The following ING5 variants were observed in gnomAD, a reference collection of about 807,000 sequenced individuals.
ING5 encodes the protein inhibitor of growth protein 5.
Under a neutral mutation model 37.4 loss-of-function variants are expected in ING5, and 17 were observed. The ratio of observed to expected loss-of-function variants is 0.45; its 90% CI spans 0.31 to 0.68. The LOEUF (loss-of-function observed/expected upper bound fraction) is 0.68, where lower values mean the gene tolerates loss of function less well. Among genes scored for constraint, ING5 ranks in the 30% least tolerant of loss-of-function variants. ING5 has a pLI of 0.05. For missense variants in ING5, 233 were observed against 311.9 expected, an observed-to-expected ratio of 0.75 and a Z score of 1.91; for synonymous variants, 123 against 116.6, an observed-to-expected ratio of 1.06 and a Z score of -0.36.
At chr2:241,687,234 G>T (rs1166586876) in exon 1 of ING5, 2 of 397,146 alleles carry the variant, frequency 5.0e-6, no homozygotes, top group Non-Finnish European at 8.9e-6. Flanking sequence ...GCCCTGCGGT[G>T]CCCGCTGCCA....
rs1575145787 is a variant in ING5, at chr2:241,728,401, A to G, written c.*3370A>G. On this transcript the variant is annotated 3_prime_UTR_variant, in exon 8 of 8. Coordinates refer to ENST00000313552, the MANE Select transcript of ING5 (RefSeq NM_032329.6). ...GTGTGTGGGCTGGAACCAGTGGGTC[A>G]CTGTGGCAGCTTCATCTGAGCCGAA... The G allele has an allele frequency of 6.5e-6, 1 of 152,724 alleles. No homozygotes were observed. Among genetic ancestry groups the G allele is most frequent in the Non-Finnish European group, 1.5e-5 (1 of 68,096 alleles). 9.5% of individuals were successfully genotyped at this position (152,724 alleles called of 1,614,324 possible). A position where few individuals can be genotyped will look rare whatever the true frequency, so the allele number is the denominator to read the frequency against.
chr2:241,713,625 C>T (rs907532764), intron 5 of ING5, among the ~76,000 whole-genome samples: 1 of 149,170 alleles, frequency 6.7e-6, no homozygotes, highest in African/African-American at 2.5e-5. Context: ...CCTGCCTTGG[C>T]CTCCCAAAGT....
intron 2 of ING5, among the ~76,000 whole-genome samples, chr2:241,692,824 G>A (rs1000361693): frequency 1.3e-5 from 2 of 152,038 alleles, no homozygotes; most frequent in Non-Finnish European, 2.9e-5. Context: ...TTGAGGAGAC[G>A]TCTCCTTTCA....
upstream of ING5, among the ~76,000 whole-genome samples, chr2:241,699,817 C>T (rs2069685963): frequency 6.6e-6 from 1 of 151,942 alleles, no homozygotes; most frequent in African/African-American, 2.4e-5. Context: ...CACACCTCAC[C>T]CATGAAAGAC....
upstream of ING5, among the ~76,000 whole-genome samples, chr2:241,700,978 C>CTT (rs71049600): frequency 0.014 from 1,960 of 140,790 alleles, 36 homozygotes; most frequent in African/African-American, 0.027. Flanking sequence ...TTAAAATTTT[C>CTT]TTTTTTTTTT....
intron 2 of ING5, among the ~76,000 whole-genome samples, chr2:241,696,644 A>G (rs2069634007): frequency 6.6e-6 from 1 of 152,056 alleles, no homozygotes. Context: ...AAAATTAGCC[A>G]GGTGTCATGG....
intron 1 of ING5, among the ~76,000 whole-genome samples, chr2:241,702,603 G>A (rs2124875047): frequency 6.6e-6 from 1 of 152,270 alleles, no homozygotes; most frequent in East Asian, 1.9e-4. Context: ...GGCTGGGGAG[G>A]GCGTGCGGGC....
At chr2:241,724,842 A>C in intron 7 of ING5, 147 bp from the exon 8 acceptor site, 2 of 706,762 alleles carry the variant, frequency 2.8e-6, no homozygotes, top group South Asian at 3.5e-5. Context: ...TCCCTGCGGG[A>C]GGGCCGCGGC....
chr2:241,704,428 C>A (rs1488454464), intron 1 of ING5, among the ~76,000 whole-genome samples: 1 of 152,132 alleles, frequency 6.6e-6, no homozygotes, highest in East Asian at 1.9e-4. Flanking sequence ...ACTAGCCGGG[C>A]ATGGTGGCAT....
chr2:241,702,031 G>C, upstream of ING5: 1 of 1,352,608 alleles, frequency 7.4e-7, no homozygotes, highest in Non-Finnish European at 9.5e-7. Flanking sequence ...GGCACCGCCC[G>C]CCCGCGCAGA....
rs111504054 is a variant in ING5 at position 241,714,444 on chromosome 2, C to T, written c.482+2373C>T. Among the ~76,000 whole-genome samples the T allele has an allele frequency of 2.0e-3, 300 of 152,222 alleles. 2 individuals are homozygous for T. Among genetic ancestry groups the T allele is most frequent in the Non-Finnish European group, 3.5e-3 (241 of 68,016 alleles). On this transcript the variant is annotated intron_variant, in intron 5 of 7. Transcript: ENST00000313552. ...AGTCAGTTTTGGAAAAAATCTGTGT[C>T]TTTCAAGAAATTTGTTTCATGTAAG...
chr2:241,690,069 G>C (rs572821976), exon 2 of ING5: 1 of 152,204 alleles, frequency 6.6e-6, no homozygotes. Context: ...GGGACACAGC[G>C]CATCCGCCTT....
At position 241,723,090 on chromosome 2, in the gene ING5, A is replaced by G. The variant is rs1358491160; in HGVS notation, c.618+16A>G. On this transcript the variant is annotated intron_variant, in intron 6 of 7. Transcript: ENST00000313552. Reference sequence around the variant, plus strand: ...CAATCCAGACGTGAGTGTCGCCTGCAGGATTCGCGCCATGGGGCGGGGTCT... The same window carrying G: ...CAATCCAGACGTGAGTGTCGCCTGCGGGATTCGCGCCATGGGGCGGGGTCT... 6.2e-7 allele frequency: 1 copy of G among 1,614,222 alleles called. No homozygotes were observed. The highest frequency in any genetic ancestry group is 1.7e-5 in the Admixed American group (1 of 60,036).
At chr2:241,703,941 C>T (rs1176442295) in intron 1 of ING5, among the ~76,000 whole-genome samples, 1 of 152,100 alleles carries the variant, frequency 6.6e-6, no homozygotes, top group Non-Finnish European at 1.5e-5. Flanking sequence ...CATAAAGTCG[C>T]GTGGGCAGCG....
In ING5 at chr2:241,725,295, G is replaced by A. The variant is rs1338427321; in HGVS notation, c.*264G>A. 2.0e-6 allele frequency: 1 copy of A among 496,430 alleles called. No homozygotes were observed. The highest frequency in any genetic ancestry group is 2.0e-5 in the African/African-American group (1 of 50,850). The allele number at this position is 496,430 out of a possible 1,614,324, so 30.8% of individuals were successfully genotyped here. A position where few individuals can be genotyped will look rare whatever the true frequency, so the allele number is the denominator to read the frequency against. ...ATCAGCAGGGACCCCGGCGGACGTG[G>A]GCGGGCGCGCGTGAGCTCGGGCTGC... On this transcript the variant is annotated 3_prime_UTR_variant, in exon 8 of 8. Coordinates refer to ENST00000313552, the MANE Select transcript of ING5 (RefSeq NM_032329.6).
chr2:241,722,780 T>C (rs1336827715), intron 5 of ING5, 159 bp from the exon 6 acceptor site: 2 of 985,322 alleles, frequency 2.0e-6, no homozygotes, highest in Non-Finnish European at 2.4e-6. Flanking sequence ...ATTCATTATG[T>C]GTCGCTCAGA....
intron 2 of ING5, among the ~76,000 whole-genome samples, chr2:241,705,778 T>C (rs909640304): frequency 5.9e-5 from 9 of 152,150 alleles, no homozygotes; most frequent in African/African-American, 2.2e-4. Flanking sequence ...GTTTTAGACG[T>C]TGTTCAGACG....
At chr2:241,720,729 T>C (rs183262549) in intron 5 of ING5, 8 of 985,502 alleles carry the variant, frequency 8.1e-6, no homozygotes, top group Non-Finnish European at 9.6e-6. Context: ...GCACAGAGGG[T>C]GCCTCTTGTG....
At chr2:241,718,865 T>C (rs1271977800) in intron 5 of ING5, among the ~76,000 whole-genome samples, 1 of 152,202 alleles carries the variant, frequency 6.6e-6, no homozygotes, top group Non-Finnish European at 1.5e-5. Context: ...TGTGCCACCA[T>C]TCCTTGGTAA....
Sources: gnomAD v4.1 joint callset for allele counts (sites outside exome capture counted in the v4.1 genomes callset) on GRCh38, gnomAD v4.1.1 for gene constraint, MANE v1.5 for transcripts, NCBI Gene and HGNC (gene_info 2026-07-23, HGNC 2026-07-21) for gene names.